The following ARL3 variants were observed in gnomAD, a reference collection of about 807,000 sequenced individuals.
ARL3 encodes ARF like GTPase 3.
A neutral mutation model predicts 26.0 loss-of-function variants in ARL3; 9 were observed. That is an observed-to-expected ratio of 0.35 (90% CI 0.21 to 0.60). The LOEUF is 0.60. Ranked by LOEUF, ARL3 falls within the 20% of genes least tolerant of loss-of-function variation. ARL3 has a pLI of 0.78. For synonymous variants in ARL3, 71 were observed against 78.4 expected (o/e 0.91, Z 0.50); for missense variants, 158 against 215.7 (o/e 0.73, Z 1.67).
intron 3 of ARL3, among the ~76,000 whole-genome samples, chr10:102,694,379 A>G (rs1177628231): frequency 6.6e-6 from 1 of 152,194 alleles, no homozygotes; most frequent in Admixed American, 6.6e-5. Context: ...ACCAAACTCA[A>G]GGTCACCTAG....
At chr10:102,711,764 G>C (rs1375199938) in intron 1 of ARL3, among the ~76,000 whole-genome samples, 1 of 143,882 alleles carries the variant, frequency 7.0e-6, no homozygotes, top group Non-Finnish European at 1.5e-5. Flanking sequence ...CTCAAAAAAA[G>C]AAAAAAAAAA....
intron 1 of ARL3, among the ~76,000 whole-genome samples, chr10:102,709,625 T>A (rs1388361097): frequency 8.4e-6 from 1 of 118,874 alleles, no homozygotes; most frequent in Non-Finnish European, 1.6e-5. Context: ...ATGGGCTAGG[T>A]GACAGAGCAA....
At chr10:102,713,653 G>A (rs2064361087) in intron 1 of ARL3, among the ~76,000 whole-genome samples, 2 of 152,192 alleles carry the variant, frequency 1.3e-5, no homozygotes, top group South Asian at 4.1e-4. Flanking sequence ...CGGGACTGAG[G>A]AAGCGCACCC....
intron 4 of ARL3, among the ~76,000 whole-genome samples, 158 bp from the exon 5 acceptor site, chr10:102,686,159 C>T (rs776111003): frequency 2.6e-4 from 39 of 150,182 alleles, no homozygotes; most frequent in Non-Finnish European, 4.6e-4. Context: ...GCAACCTTCG[C>T]TTCCCAGGTT....
At chr10:102,688,570 C>T (rs989001472) in intron 4 of ARL3, among the ~76,000 whole-genome samples, 3 of 148,808 alleles carry the variant, frequency 2.0e-5, no homozygotes, top group African/African-American at 5.0e-5. Context: ...GACACAATCT[C>T]GGCTCAGTGC....
intron 4 of ARL3, among the ~76,000 whole-genome samples, chr10:102,688,461 A>G (rs557192039): frequency 1.3e-5 from 2 of 152,142 alleles, no homozygotes; most frequent in Non-Finnish European, 2.9e-5. Context: ...CATTTAGGAC[A>G]CAGGCCAAGG....
At chr10:102,708,241 T>C (rs1290332125) in intron 1 of ARL3, among the ~76,000 whole-genome samples, 1 of 152,140 alleles carries the variant, frequency 6.6e-6, no homozygotes, top group Non-Finnish European at 1.5e-5. Context: ...AAAACTATAT[T>C]TACAAGAAGT....
intron 1 of ARL3, among the ~76,000 whole-genome samples, chr10:102,706,632 A>C (rs1024336456): frequency 6.6e-6 from 1 of 152,110 alleles, no homozygotes; most frequent in Non-Finnish European, 1.5e-5. Flanking sequence ...CATGAAGCAA[A>C]ACAAAACAAA....
At chr10:102,704,298 T>C in intron 2 of ARL3, among the ~76,000 whole-genome samples, 1 of 152,140 alleles carries the variant, frequency 6.6e-6, no homozygotes, top group East Asian at 1.9e-4. Context: ...TTTCTCTGTG[T>C]TTTCTACATG....
At chr10:102,686,167 G>A (rs1251926966) in intron 4 of ARL3, among the ~76,000 whole-genome samples, 166 bp from the exon 5 acceptor site, 3 of 151,180 alleles carry the variant, frequency 2.0e-5, no homozygotes, top group Non-Finnish European at 2.9e-5. Context: ...CGCTTCCCAG[G>A]TTCAAGTGAT....
chr10:102,675,225 C>T lies in ARL3; in HGVS notation c.*1669G>A, dbSNP rs2064124111. 6.6e-6 allele frequency: 1 copy of T among 152,232 alleles called. No homozygotes were observed. Among genetic ancestry groups the T allele is most frequent in the African/African-American group, 2.4e-5 (1 of 41,448 alleles). 9.4% of individuals were successfully genotyped at this position (152,232 alleles called of 1,614,324 possible). A position where few individuals can be genotyped will look rare whatever the true frequency, so the allele number is the denominator to read the frequency against. ...AAACCCCTCACTTTCTTTTGTTTTG[C>T]AAGTCCTTACAGGTCTGTCCACAGC... On this transcript the variant is annotated 3_prime_UTR_variant, in exon 6 of 6. Transcript: ENST00000260746.
rs1200478614 is a variant in ARL3 at position 102,699,635 on chromosome 10, CAG to C, written c.148-148_148-147del. On this transcript the variant is annotated intron_variant, in intron 2 of 5. Transcript: ENST00000260746. ...TAATGCTGAAAATGATTTGTTGTGA[CAG>C]AGAATACAGAAACATATTTATACAT... 5.1e-6 allele frequency: 3 copies of C among 590,570 alleles called. No homozygotes were observed. The African/African-American group carries it at 5.6e-5, about 11-fold the overall frequency. The allele number at this position is 590,570 out of a possible 1,614,324, so 36.6% of individuals were successfully genotyped here.
At chr10:102,692,389 G>T (rs534088294) in intron 3 of ARL3, among the ~76,000 whole-genome samples, 1 of 152,338 alleles carries the variant, frequency 6.6e-6, no homozygotes, top group South Asian at 2.1e-4. Flanking sequence ...GAGGAAAAAG[G>T]AGTCTATAGC....
intron 5 of ARL3, among the ~76,000 whole-genome samples, chr10:102,684,533 T>A (rs2064172225): frequency 6.6e-6 from 1 of 152,206 alleles, no homozygotes; most frequent in Non-Finnish European, 1.5e-5. Flanking sequence ...AAAATTACTA[T>A]CTTTTCTTGG....
In ARL3 at chr10:102,685,863, C is replaced by G. The variant is rs1199053709; in HGVS notation, c.454G>C (p.Val152Leu). The G allele has an allele frequency of 6.2e-7, 1 of 1,614,054 alleles. No homozygotes were observed. The highest frequency in any genetic ancestry group is 1.7e-5 in the Admixed American group (1 of 60,012). ...GCTGAGCAAGACTGGATCTGCCAGA[C>G]TCGGTCGCGGATGGTATGCAGGTTC... is the stretch of plus-strand genomic sequence containing the variant. The part of the protein sequence containing the change: ...GLNLHTIRDR[V>L]WQIQSCSALT... Residue 152 changes from valine to leucine, a missense_variant, in exon 5 of 6, where the codon GTC becomes CTC. Val to Leu is a conservative substitution (Grantham distance 32). Transcript: ENST00000260746.
intron 2 of ARL3, among the ~76,000 whole-genome samples, chr10:102,703,117 T>C (rs937471092): frequency 1.6e-4 from 22 of 133,832 alleles, no homozygotes; most frequent in African/African-American, 5.7e-4. Context: ...TCAGGTCTTG[T>C]CTTTTTTTTT....
intron 3 of ARL3, among the ~76,000 whole-genome samples, chr10:102,697,638 T>A (rs1476886015): frequency 6.6e-6 from 1 of 152,096 alleles, no homozygotes; most frequent in Non-Finnish European, 1.5e-5. Context: ...GGTCATTAAA[T>A]CCTTCAAATT....
At chr10:102,700,297 T>A (rs1274651043) in intron 2 of ARL3, among the ~76,000 whole-genome samples, 2 of 149,566 alleles carry the variant, frequency 1.3e-5, no homozygotes, top group Non-Finnish European at 3.0e-5. Context: ...GAGTCCCAGC[T>A]ACTCAGGATG....
In ARL3 at chr10:102,685,809, A is replaced by G. The variant is rs1363591880; in HGVS notation, c.501+7T>C. 1.3e-6 allele frequency: 2 copies of G among 1,597,690 alleles called. No homozygotes were observed. The highest frequency in any genetic ancestry group is 8.5e-7 in the Non-Finnish European group (1 of 1,171,554). ...TGCCAGGTGGCCAAGCCTTCCTGTA[A>G]TCTCACCTGAACGCCCTCTCCTGTG... On this transcript the variant is annotated splice_region_variant and intron_variant, in intron 5 of 5. Transcript: ENST00000260746.
Sources: gnomAD v4.1 joint callset for allele counts (sites outside exome capture counted in the v4.1 genomes callset) on GRCh38, gnomAD v4.1.1 for gene constraint, MANE v1.5 for transcripts, NCBI Gene and HGNC (gene_info 2026-07-23, HGNC 2026-07-21) for gene names.